Variants in UGGT2 observed in about 807,000 individuals in gnomAD.
The protein encoded by UGGT2 is UDP-glucose:glycoprotein glucosyltransferase 2.
A neutral mutation model predicts 192.1 loss-of-function variants in UGGT2; 180 were observed. That is an observed-to-expected ratio of 0.94 (90% CI 0.83 to 1.06). The LOEUF is 1.06. UGGT2 is among the 50% of genes least tolerant of loss of function. The probability of loss-of-function intolerance (pLI) is 0.00; values close to 1 mark genes in which losing one functional copy is unlikely to be tolerated. For missense variants in UGGT2, 1,849 were observed against 1,795.7 expected (o/e 1.03, Z -0.54); for synonymous variants, 580 against 591.0 (o/e 0.98, Z 0.27).
At chr13:95,969,189 A>G (rs1378553369) in intron 12 of UGGT2, among the ~76,000 whole-genome samples, 2 of 152,184 alleles carry the variant, frequency 1.3e-5, no homozygotes. Context: ...CAAGTAAGTG[A>G]GCTTCCCTGG....
intron 37 of UGGT2, 92 bp downstream of exon 37, chr13:95,836,994 G>GT (rs1555337164): frequency 6.1e-6 from 6 of 975,912 alleles, no homozygotes; most frequent in Non-Finnish European, 8.1e-6. Flanking sequence ...GAAGTAATAC[G>GT]TATGCCACTC....
chr13:95,836,940 G>A, intron 37 of UGGT2, 146 bp downstream of exon 37: 1 of 698,598 alleles, frequency 1.4e-6, no homozygotes, highest in South Asian at 2.0e-5. Flanking sequence ...CCCTATACTT[G>A]CCAACCTAAG....
Position 95,930,680 on chromosome 13 carries a change from T to C in UGGT2, c.1978-3344A>G, listed in dbSNP as rs531501280. Among the ~76,000 whole-genome samples the C allele has an allele frequency of 2.8e-4, 42 of 152,266 alleles. No individual in the cohort carries two copies. In the South Asian group the frequency reaches 7.5e-3, roughly 27 times the overall value. ...TGTAGCCTCATAGTGTACTGTGAAG[T>C]TGGGTAATACTGTGTCCGGAATTGG... On this transcript the variant is annotated intron_variant, in intron 17 of 38. Transcript: ENST00000376747.
chr13:95,930,606 A>G (rs574509903), intron 17 of UGGT2, among the ~76,000 whole-genome samples: 3 of 152,262 alleles, frequency 2.0e-5, no homozygotes, highest in Admixed American at 2.0e-4. Flanking sequence ...ACTCTGTTCC[A>G]TTAGTCTATG....
At chr13:95,968,568 T>C (rs543433442) in intron 12 of UGGT2, among the ~76,000 whole-genome samples, 10 of 152,216 alleles carry the variant, frequency 6.6e-5, no homozygotes, top group African/African-American at 2.4e-4. Context: ...CTTAAATGTA[T>C]GGCACCTACC....
Position 96,053,180 on chromosome 13 carries a change from C to G in UGGT2, c.133G>C (p.Glu45Gln). 6.6e-7 allele frequency: 1 copy of G among 1,519,984 alleles called. No individual in the cohort carries two copies. Among genetic ancestry groups the G allele is most frequent in the Non-Finnish European group, 8.8e-7 (1 of 1,140,098 alleles). The allele number at this position is 1,519,984 out of a possible 1,614,324, so 94.2% of individuals were successfully genotyped here. A position where few individuals can be genotyped will look rare whatever the true frequency, so the allele number is the denominator to read the frequency against. ...VTAHLAAKWPETPLLLEASEF... is the reference protein window; with the variant it reads ...VTAHLAAKWPQTPLLLEASEF... ...CTTGCCTCCAGCAGCAGCGGGGTCT[C>G]GGGCCACTTCGCGGCCAAGTGGGCA... The change falls in exon 1 of 39, where the codon GAG (glutamate) becomes CAG (glutamine). Residue 45 changes from glutamate (E) to glutamine (Q), a missense_variant. Glu to Gln is a conservative substitution (Grantham distance 29). Coordinates refer to ENST00000376747, the MANE Select transcript of UGGT2 (RefSeq NM_020121.4).
At chr13:95,986,690 T>C (rs977127468) in intron 8 of UGGT2, among the ~76,000 whole-genome samples, 3 of 152,104 alleles carry the variant, frequency 2.0e-5, no homozygotes, top group Non-Finnish European at 2.9e-5. Context: ...GAGAGAGATA[T>C]ATGAAAAGAA....
At chr13:95,867,216 A>G in intron 30 of UGGT2, 123 bp downstream of exon 30, 1 of 846,770 alleles carries the variant, frequency 1.2e-6, no homozygotes, top group Non-Finnish European at 1.8e-6. Flanking sequence ...TGGAGTTCAA[A>G]TATAACATTT....
chr13:95,847,042 C>T, intron 36 of UGGT2, among the ~76,000 whole-genome samples: 1 of 139,800 alleles, frequency 7.2e-6, no homozygotes, highest in South Asian at 2.3e-4. Context: ...AAAAATGCAT[C>T]TTTCTTTTCT....
At chr13:95,921,374 A>C (rs1022531898) in intron 20 of UGGT2, among the ~76,000 whole-genome samples, 2 of 150,796 alleles carry the variant, frequency 1.3e-5, no homozygotes, top group Non-Finnish European at 3.0e-5. Context: ...AGGTGGTGAC[A>C]GTATTTTTGT....
chr13:96,015,074 C>T (rs966376578), intron 4 of UGGT2, among the ~76,000 whole-genome samples: 3 of 151,848 alleles, frequency 2.0e-5, no homozygotes, highest in East Asian at 1.9e-4. Context: ...GTCAGGATAT[C>T]GAGACCATCC....
intron 10 of UGGT2, among the ~76,000 whole-genome samples, chr13:95,982,160 G>C: frequency 6.6e-6 from 1 of 152,220 alleles, no homozygotes; most frequent in Non-Finnish European, 1.5e-5. Context: ...CAGGTTGCCA[G>C]CATGGTTCTG....
intron 30 of UGGT2, among the ~76,000 whole-genome samples, chr13:95,865,343 T>C (rs1890557574): frequency 6.6e-6 from 1 of 152,112 alleles, no homozygotes; most frequent in Non-Finnish European, 1.5e-5. Context: ...AACTGTGTTA[T>C]TAGAAAACAA....
At chr13:95,931,081 A>G (rs2140470452) in intron 17 of UGGT2, among the ~76,000 whole-genome samples, 1 of 152,026 alleles carries the variant, frequency 6.6e-6, no homozygotes, top group Middle Eastern at 3.4e-3. Context: ...TCCATTCTAC[A>G]GAGAGCTGAT....
chr13:95,999,635 A>G lies in UGGT2; in HGVS notation c.661-328T>C, dbSNP rs1201456055. The stretch of plus-strand genomic sequence containing the variant: ...TAAACAGAGGATCCAATAACAGACA[A>G]GTTTCAACAAAACTGTTTTCCTTTT... On this transcript the variant is annotated intron_variant, in intron 5 of 38. Transcript: ENST00000376747. Among the ~76,000 whole-genome samples, 137 of 152,190 alleles carry G rather than the reference A, an allele frequency of 9.0e-4. 1 individual carries two copies. Among genetic ancestry groups the G allele is most frequent in the Non-Finnish European group, 2.2e-4 (15 of 68,026 alleles).
intron 20 of UGGT2, among the ~76,000 whole-genome samples, chr13:95,918,356 G>T (rs893572950): frequency 2.6e-5 from 4 of 152,144 alleles, no homozygotes; most frequent in African/African-American, 9.7e-5. Flanking sequence ...CAATGTACCA[G>T]AATCTCTGGA....
intron 8 of UGGT2, chr13:95,989,616 G>A (rs1358793107): frequency 2.8e-6 from 1 of 357,280 alleles, no homozygotes; most frequent in Non-Finnish European, 5.8e-6. Context: ...TCAAAAAGAA[G>A]AAAACCAAGA....
chr13:96,000,390 A>G (rs1358550612), intron 5 of UGGT2, among the ~76,000 whole-genome samples: 1 of 152,226 alleles, frequency 6.6e-6, no homozygotes, highest in Admixed American at 6.5e-5. Context: ...AGGTAAGAAT[A>G]TGTAAAAGTT....
intron 29 of UGGT2, among the ~76,000 whole-genome samples, chr13:95,869,918 A>T (rs559319408): frequency 6.6e-6 from 1 of 152,296 alleles, no homozygotes; most frequent in East Asian, 1.9e-4. Flanking sequence ...ATGATTAATT[A>T]AAAAAAGCAC....
Sources: gnomAD v4.1 joint callset for allele counts (sites outside exome capture counted in the v4.1 genomes callset) on GRCh38, gnomAD v4.1.1 for gene constraint, MANE v1.5 for transcripts, NCBI Gene and HGNC (gene_info 2026-07-23, HGNC 2026-07-21) for gene names.